NSD1: variants seen among roughly 807,000 people sequenced by gnomAD.
NSD1 encodes the protein histone-lysine N-methyltransferase, H3 lysine-36 specific.
In NSD1, 26 loss-of-function variants were observed where a neutral mutation model predicts 242.7. That is an observed-to-expected ratio of 0.11 (90% CI 0.08 to 0.15). The LOEUF (loss-of-function observed/expected upper bound fraction) is 0.15. NSD1 is among the 10% of genes least tolerant of loss of function. NSD1 has a pLI of 1.00. For missense variants in NSD1, 2,495 were observed against 3,272.8 expected, an observed-to-expected ratio of 0.76 and a Z score of 5.80; for synonymous variants, 1,106 against 1,178.1, an observed-to-expected ratio of 0.94 and a Z score of 1.25.
chr5:177,169,135 G>T (rs1178147112), intron 2 of NSD1, among the ~76,000 whole-genome samples: 2 of 152,158 alleles, frequency 1.3e-5, no homozygotes, highest in Non-Finnish European at 2.9e-5. Flanking sequence ...TCAACCAGCA[G>T]CAGACCACCA....
At position 177,136,800 on chromosome 5, in the gene NSD1, T is replaced by A. The variant is rs959947318; in HGVS notation, c.927+770T>A. 6.7e-6 allele frequency: 4 copies of A among 594,636 alleles called. No homozygotes were observed. In the Admixed American group the frequency reaches 1.2e-4, roughly 17 times the overall value. The allele number at this position is 594,636 out of a possible 1,614,324, so 36.8% of individuals were successfully genotyped here. On this transcript the variant is annotated intron_variant, in intron 2 of 22. Transcript: ENST00000439151. ...TTAGCTCTTGAAGTTTTTCTAGTTT[T>A]GTTTTGTTTTATTTTATTTTATTTT...
chr5:177,166,544 GAAA>G (rs756528813), intron 2 of NSD1, among the ~76,000 whole-genome samples: 3 of 139,210 alleles, frequency 2.2e-5, no homozygotes, highest in African/African-American at 7.9e-5. Flanking sequence ...GATGCTGTCT[GAAA>G]AAAAAAAAAA....
In NSD1 at chr5:177,257,228, CTTTTT is replaced by C. The variant is rs373383515; in HGVS notation, c.4966+92_4966+96del. 1,496 of 736,386 alleles carry C rather than the reference CTTTTT, an allele frequency of 2.0e-3. 2 individuals carry two copies. Among genetic ancestry groups the C allele is most frequent in the African/African-American group, 7.5e-3 (364 of 48,262 alleles). The allele number at this position is 736,386 out of a possible 1,614,324, so 45.6% of individuals were successfully genotyped here. A position where few individuals can be genotyped will look rare whatever the true frequency, so the allele number is the denominator to read the frequency against. On this transcript the variant is annotated intron_variant, in intron 13 of 22. Coordinates refer to ENST00000439151, the MANE Select transcript of NSD1 (RefSeq NM_022455.5). ...GCAACAGATATTTTCTTTTTTCTTT[CTTTTT>C]TTTTTTTTTTTTTTGGAGACAGAGT...
chr5:177,269,831 C>A lies in NSD1; in HGVS notation c.5509+24C>A. 1 of 1,583,944 alleles carries A rather than the reference C, an allele frequency of 6.3e-7. No homozygotes were observed. The highest frequency in any genetic ancestry group is 1.1e-5 in the South Asian group (1 of 88,502). ...AGGTAACTTTATCCTTTTTGTTTCT[C>A]AGGCAAACACAGACCTCTGTTACCT... On this transcript the variant is annotated intron_variant, in intron 16 of 22. Coordinates refer to ENST00000439151, the MANE Select transcript of NSD1 (RefSeq NM_022455.5). This position sits in a 1 kb window ranked among gnomAD's most constrained non-coding sequence, Gnocchi z 5.1.
At chr5:177,177,243 A>G (rs1382345275) in intron 2 of NSD1, among the ~76,000 whole-genome samples, 1 of 152,132 alleles carries the variant, frequency 6.6e-6, no homozygotes, top group Non-Finnish European at 1.5e-5. Context: ...GGCCTGGCAC[A>G]GTGGCTAATG....
intron 2 of NSD1, among the ~76,000 whole-genome samples, chr5:177,164,873 G>T (rs1226442447): frequency 1.3e-5 from 2 of 151,742 alleles, no homozygotes; most frequent in East Asian, 3.9e-4. Context: ...AACCCAGGAG[G>T]TGGAGGTTAC....
rs142699611 is a variant in NSD1, at chr5:177,203,992, G to A, written c.1064-128G>A. ...CCTTGTGTATGATCTATTCTAGGTT[G>A]TCTAGTTCAGTGGGCATGTTAGTTG... On this transcript the variant is annotated intron_variant, in intron 3 of 22. Transcript: ENST00000439151. 81 of 894,196 alleles carry A rather than the reference G, an allele frequency of 9.1e-5. No homozygotes were observed. The African/African-American group carries it at 1.2e-3, about 14-fold the overall frequency. The allele number at this position is 894,196 out of a possible 1,614,324, so 55.4% of individuals were successfully genotyped here. A position where few individuals can be genotyped will look rare whatever the true frequency, so the allele number is the denominator to read the frequency against.
At chr5:177,166,012 C>T (rs1221939506) in intron 2 of NSD1, among the ~76,000 whole-genome samples, 4 of 150,272 alleles carry the variant, frequency 2.7e-5, no homozygotes, top group African/African-American at 4.9e-5. Context: ...CGGGTTCAAG[C>T]GATTCTCCTG....
chr5:177,235,839 A>G lies in NSD1; in HGVS notation c.3815A>G (p.Lys1272Arg). The G allele has an allele frequency of 6.2e-7, 1 of 1,614,030 alleles. No individual in the cohort carries two copies. Among genetic ancestry groups the G allele is most frequent in the South Asian group, 1.1e-5 (1 of 91,086 alleles). ...LPEPAVRSEK[K>R]RLRKPSKWLL... ...CTTTTAGCTGTGCGGTCAGAGAAGA[A>G]ACGCCTTAGGAAGCCAAGCAAGTGG... Residue 1272 changes from lysine to arginine, a missense_variant, in exon 6 of 23, where the codon AAA becomes AGA. Lys to Arg is a conservative substitution (Grantham distance 26). This residue lies in a region of NSD1 where 426 missense variants were observed against 411.4 expected (regional missense o/e 1.04). Coordinates refer to ENST00000439151, the MANE Select transcript of NSD1 (RefSeq NM_022455.5).
At chr5:177,191,565 G>A (rs1761699921) in intron 2 of NSD1, among the ~76,000 whole-genome samples, 1 of 151,706 alleles carries the variant, frequency 6.6e-6, no homozygotes, top group Non-Finnish European at 1.5e-5. Flanking sequence ...GATCAAGGGT[G>A]TCTTTTCCTT....
chr5:177,145,626 G>A (rs529464009), intron 2 of NSD1, among the ~76,000 whole-genome samples: 8 of 152,166 alleles, frequency 5.3e-5, no homozygotes, highest in Non-Finnish European at 1.0e-4. Flanking sequence ...CAAATTCCAT[G>A]GCCAGGCTGG....
At chr5:177,158,301 C>CTTTCTT (rs1562130726) in intron 2 of NSD1, among the ~76,000 whole-genome samples, 1 of 108,572 alleles carries the variant, frequency 9.2e-6, no homozygotes, top group Non-Finnish European at 2.0e-5. Context: ...TTCTTTCTTT[C>CTTTCTT]TTTTCTTTCT....
chr5:177,227,148 T>C (rs539823802), intron 5 of NSD1, among the ~76,000 whole-genome samples: 113 of 152,294 alleles, frequency 7.4e-4, no homozygotes, highest in Non-Finnish European at 1.2e-3. Context: ...CAGATAAAAA[T>C]AGATTGGCCA....
chr5:177,156,673 A>G (rs1439779809), intron 2 of NSD1, among the ~76,000 whole-genome samples: 1 of 152,088 alleles, frequency 6.6e-6, no homozygotes. Context: ...TCAAGCTAAT[A>G]CTTGATACTA....
At chr5:177,150,220 G>A (rs1356391741) in intron 2 of NSD1, among the ~76,000 whole-genome samples, 1 of 151,794 alleles carries the variant, frequency 6.6e-6, no homozygotes, top group Non-Finnish European at 1.5e-5. Context: ...TGCAACCTCC[G>A]CCTCCCGAGC....
rs1239096330 is a variant in NSD1 at position 177,246,805 on chromosome 5, C to T, written c.4497+9C>T. The T allele has an allele frequency of 1.3e-6, 2 of 1,580,704 alleles. No homozygotes were observed. The highest frequency in any genetic ancestry group is 8.7e-7 in the Non-Finnish European group (1 of 1,149,788). On this transcript the variant is annotated intron_variant, in intron 10 of 22. Transcript: ENST00000439151. ...AGATTCCAGGCTCAGAGGTATTACTCAGTTCCTGATCTTTTCACCTTCTAA... is the reference window on the plus strand; with the variant it reads ...AGATTCCAGGCTCAGAGGTATTACTTAGTTCCTGATCTTTTCACCTTCTAA...
At chr5:177,208,854 C>A (rs1763106256) in intron 4 of NSD1, among the ~76,000 whole-genome samples, 1 of 152,008 alleles carries the variant, frequency 6.6e-6, no homozygotes. Flanking sequence ...TGCCACCACA[C>A]CTGGCTAATT....
chr5:177,249,619 C>T (rs985199678), intron 11 of NSD1, among the ~76,000 whole-genome samples: 4 of 151,956 alleles, frequency 2.6e-5, no homozygotes, highest in Admixed American at 2.0e-4. Flanking sequence ...TCCTGAGTAC[C>T]GGGACTATAG....
At chr5:177,185,721 T>A (rs1202181345) in intron 2 of NSD1, among the ~76,000 whole-genome samples, 1 of 108,864 alleles carries the variant, frequency 9.2e-6, no homozygotes, top group African/African-American at 3.7e-5. Context: ...CATTATATAT[T>A]ATATATTATA....
Sources: gnomAD v4.1 joint callset for allele counts (sites outside exome capture counted in the v4.1 genomes callset) on GRCh38, gnomAD v4.1.1 for gene constraint, gnomAD v4.1.1 regional missense constraint, Gnocchi (gnomAD v3.1) non-coding constraint, MANE v1.5 for transcripts, NCBI Gene and HGNC (gene_info 2026-07-23, HGNC 2026-07-21) for gene names.